Variants in LRRC71 observed in about 807,000 individuals in gnomAD.
LRRC71 encodes leucine-rich repeat-containing protein 71.
A neutral mutation model predicts 66.6 loss-of-function variants in LRRC71; 54 were observed. That is an observed-to-expected ratio of 0.81 (90% confidence interval 0.65 to 1.02). LRRC71 has a LOEUF of 1.02. LRRC71 is among the 50% of genes least tolerant of loss of function. The probability of loss-of-function intolerance (pLI) is 0.00; values close to 1 mark genes in which losing one functional copy is unlikely to be tolerated. For synonymous variants in LRRC71, 323 were observed against 303.9 expected, an observed-to-expected ratio of 1.06 and a Z score of -0.65; for missense variants, 724 against 718.0, an observed-to-expected ratio of 1.01 and a Z score of -0.10.
In LRRC71 at chr1:156,930,578, C is replaced by G. The variant is rs368364282; in HGVS notation, c.1290C>G (p.Ile430Met). ...QKPSRAKGIK[I>M]GSREKRSILL... ...CAAGCAGGGCAAAAGGGATCAAGAT[C>G]GGGAGCAGAGAGAAGCGCAGCATCC... is the stretch of plus-strand genomic sequence containing the variant. The change falls in exon 12 of 15, where the codon ATC becomes ATG. Residue 430 changes from isoleucine to methionine, a missense_variant. Coordinates refer to ENST00000337428, the MANE Select transcript of LRRC71 (RefSeq NM_144702.3). 11 of 1,569,884 alleles carry G rather than the reference C, an allele frequency of 7.0e-6. No individual in the cohort carries two copies. In the South Asian group the frequency reaches 1.3e-4, roughly 18 times the overall value.
Position 156,932,940 on chromosome 1 carries a change from G to A in LRRC71, c.1651G>A (p.Glu551Lys). 4 of 1,590,060 alleles carry A rather than the reference G, an allele frequency of 2.5e-6. No homozygotes were observed. Among genetic ancestry groups the A allele is most frequent in the African/African-American group, 1.3e-5 (1 of 74,394 alleles). ...PRDPIKAKLR[E>K]DEAMAFFP is the part of the protein sequence containing the mutation. ...GGATCCCATCAAGGCCAAACTCAGG[G>A]AGGATGAGGCCATGGCATTCTTCCC... Residue 551 changes from glutamate (E) to lysine (K), a missense_variant, in exon 15 of 15, where the codon GAG becomes AAG. Coordinates refer to ENST00000337428, the MANE Select transcript of LRRC71 (RefSeq NM_144702.3).
At chr1:156,938,090 G>A (rs1655898313), downstream of LRRC71, among the ~76,000 whole-genome samples, 1 of 152,210 alleles carries the variant, frequency 6.6e-6, no homozygotes, top group South Asian at 2.1e-4. Context: ...GCTGAGGTGG[G>A]GAAGTGGCTG....
chr1:156,938,719 A>G, the LRRC71 span: 1 of 514,968 alleles, frequency 1.9e-6, no homozygotes, highest in Non-Finnish European at 3.4e-6. Flanking sequence ...CAGAGAAGGA[A>G]GGTCAGTTCC....
chr1:156,937,269 G>C, downstream of LRRC71: 1 of 1,613,946 alleles, frequency 6.2e-7, no homozygotes, highest in South Asian at 1.1e-5. Flanking sequence ...TTGAGCTTGA[G>C]AGTGAGCTGC....
chr1:156,938,900 C>A, the LRRC71 span: 1 of 215,570 alleles, frequency 4.6e-6, no homozygotes, highest in Non-Finnish European at 9.1e-6. Context: ...CCAGCCCACT[C>A]TTCCCGGGGT....
At chr1:156,937,450 G>T, downstream of LRRC71, 17 of 1,553,962 alleles carry the variant, frequency 1.1e-5, no homozygotes, top group Non-Finnish European at 1.5e-5. Context: ...AGTGGTCGGT[G>T]CTTGAGTCCG....
rs990586880 is a variant in LRRC71, at chr1:156,927,923, C to T, written c.915C>T (p.Arg305=). ...GCGCCCGCCTCCTTCAGGTCCTGCG[C>T]GCCTTCGAGCTGACACACACCGAAG... ...KGALKLAEVL[R]AFELTHTEVV... is the part of the protein sequence containing the mutation. Residue 305 remains arginine, a synonymous_variant, in exon 9 of 15, where the codon CGC becomes CGT. Coordinates refer to ENST00000337428, the MANE Select transcript of LRRC71 (RefSeq NM_144702.3). 7 of 1,611,690 alleles carry T rather than the reference C, an allele frequency of 4.3e-6. No homozygotes were observed. The highest frequency in any genetic ancestry group is 4.2e-6 in the Non-Finnish European group (5 of 1,179,182).
downstream of LRRC71, among the ~76,000 whole-genome samples, chr1:156,934,551 G>A (rs147290936): frequency 1.9e-4 from 29 of 152,092 alleles, no homozygotes; most frequent in South Asian, 6.2e-4. Context: ...GTGTGTGTGT[G>A]TATATCTATA....
At position 156,929,405 on chromosome 1, in the gene LRRC71, G is replaced by C; in HGVS notation, c.1122G>C (p.Leu374=). 6.2e-7 allele frequency: 1 copy of C among 1,613,858 alleles called. No homozygotes were observed. ...AGACAATGAAAACCCCTAAGGGCCTGGGCAAGAAAAAGGAGAAATCATGGG... is the reference window on the plus strand; with the variant it reads ...AGACAATGAAAACCCCTAAGGGCCTCGGCAAGAAAAAGGAGAAATCATGGG... ...KTQTMKTPKG[L]GKKKEKSWEL... Residue 374 remains leucine (L), a synonymous_variant, in exon 10 of 15, where the codon CTG becomes CTC. Transcript: ENST00000337428.
In LRRC71 at chr1:156,929,329, A is replaced by T. The variant is rs1159317674; in HGVS notation, c.1046A>T (p.Gln349Leu). 1 of 1,612,668 alleles carries T rather than the reference A, an allele frequency of 6.2e-7. No homozygotes were observed. ...GDSKTDREKSQMVGISNSALV... is the reference protein window; with the variant it reads ...GDSKTDREKSLMVGISNSALV... ...TCCAAAACGGACCGTGAGAAGAGTC[A>T]GATGGTAGGGATCAGCAATAGTGCA... The change falls in exon 10 of 15, where the codon CAG becomes CTG. Residue 349 changes from glutamine (Q) to leucine (L), a missense_variant. Coordinates refer to ENST00000337428, the MANE Select transcript of LRRC71 (RefSeq NM_144702.3).
intron 13 of LRRC71, 123 bp downstream of exon 13, chr1:156,932,150 C>T (rs1224988081): frequency 1.2e-6 from 1 of 822,846 alleles, no homozygotes; most frequent in African/African-American, 1.7e-5. Flanking sequence ...CTACATGTCC[C>T]CCAAGGCTCT....
chr1:156,937,096 G>A (rs1655570226), downstream of LRRC71: 2 of 1,567,164 alleles, frequency 1.3e-6, no homozygotes, highest in Non-Finnish European at 1.7e-6. Context: ...GGGGAGGAGG[G>A]TGTGATTTAA....
rs1652971569 is a variant in LRRC71, at chr1:156,924,941, G to A, written c.519G>A (p.Leu173=). Residue 173 remains leucine, a synonymous_variant, in exon 5 of 15, where the codon TTG becomes TTA. Coordinates refer to ENST00000337428, the MANE Select transcript of LRRC71 (RefSeq NM_144702.3). ...CTGCACTTCCCGCCCACGACAGCTT[G>A]TGGAAGGTGGGGCTGACCGATAAGA... ...PPLTQLQAIN[L]WKVGLTDKTL... is the part of the protein sequence containing the mutation. 7.1e-6 allele frequency: 11 copies of A among 1,551,622 alleles called. No homozygotes were observed. Among genetic ancestry groups the A allele is most frequent in the Non-Finnish European group, 9.6e-6 (11 of 1,147,018 alleles).
the LRRC71 span, chr1:156,940,407 C>G: frequency 9.3e-6 from 15 of 1,606,352 alleles, no homozygotes; most frequent in East Asian, 3.4e-4. Context: ...CCCTTGGACC[C>G]TCTGCTGGGA....
rs1652893259 is a variant in LRRC71 at position 156,924,542 on chromosome 1, C to T, written c.429C>T (p.Ile143=). ...EQEDSKSVKE[I]YIRGWKVEER... is the part of the protein sequence containing the mutation. ...AGGACAGCAAGTCAGTGAAGGAAAT[C>T]TACATCCGCGGTGAGCCCCGCTCCC... The change falls in exon 3 of 15, where the codon ATC becomes ATT. Residue 143 remains isoleucine (I), a synonymous_variant. Transcript: ENST00000337428. 1 of 1,551,532 alleles carries T rather than the reference C, an allele frequency of 6.4e-7. No homozygotes were observed. The highest frequency in any genetic ancestry group is 1.4e-5 in the African/African-American group (1 of 73,064).
chr1:156,921,712 AACACACACACACACACAC>A lies in LRRC71; in HGVS notation c.160+783_160+800del, dbSNP rs34547094. 164 of 278,568 alleles carry A rather than the reference AACACACACACACACACAC, an allele frequency of 5.9e-4. No individual in the cohort carries two copies. The East Asian group carries it at 0.017, about 29-fold the overall frequency. 17.3% of individuals were successfully genotyped at this position (278,568 alleles called of 1,614,324 possible). A position where few individuals can be genotyped will look rare whatever the true frequency, so the allele number is the denominator to read the frequency against. On this transcript the variant is annotated intron_variant, in intron 1 of 14. Coordinates refer to ENST00000337428, the MANE Select transcript of LRRC71 (RefSeq NM_144702.3). Reference sequence around the variant, plus strand: ...CAGGTACGAAGCCAGTTACATTCAAAACACACACACACACACACACACACACACACACACACACACACA... The same window carrying A: ...CAGGTACGAAGCCAGTTACATTCAAAACACACACACACACACACACACACA...
chr1:156,938,327 T>G, the LRRC71 span: 15 of 1,204,858 alleles, frequency 1.2e-5, no homozygotes, highest in Non-Finnish European at 1.7e-5. Context: ...TGTGGGTGTG[T>G]GTGTGACCAT....
Position 156,930,572 on chromosome 1 carries a change from C to A in LRRC71, c.1284C>A (p.Ile428=). The A allele has an allele frequency of 1.9e-6, 3 of 1,570,328 alleles. No individual in the cohort carries two copies. Among genetic ancestry groups the A allele is most frequent in the East Asian group, 2.4e-5 (1 of 42,256 alleles). Reference sequence around the variant, plus strand: ...AGAAGCCAAGCAGGGCAAAAGGGATCAAGATCGGGAGCAGAGAGAAGCGCA... The same window carrying A: ...AGAAGCCAAGCAGGGCAAAAGGGATAAAGATCGGGAGCAGAGAGAAGCGCA... ...PEQKPSRAKG[I]KIGSREKRSI... Residue 428 remains isoleucine (I), a synonymous_variant, in exon 12 of 15, where the codon ATC becomes ATA. Transcript: ENST00000337428.
rs759089903 is a variant in LRRC71, at chr1:156,929,607, T to C, written c.1147-29T>C. Reference sequence around the variant, plus strand: ...TGCCCATCCCCTCCGGAGGTGGGACTTGCCCCTCTCTTCTCACATTCTCCA... The same window carrying C: ...TGCCCATCCCCTCCGGAGGTGGGACCTGCCCCTCTCTTCTCACATTCTCCA... On this transcript the variant is annotated intron_variant, in intron 10 of 14. Transcript: ENST00000337428. 44 of 1,563,988 alleles carry C rather than the reference T, an allele frequency of 2.8e-5. No individual in the cohort carries two copies. In the Admixed American group the frequency reaches 8.4e-4, roughly 30 times the overall value.
Sources: allele counts gnomAD v4.1 joint callset (sites outside exome capture counted in the v4.1 genomes callset), GRCh38; gene constraint gnomAD v4.1.1; transcripts MANE v1.5; gene names NCBI Gene and HGNC (gene_info 2026-07-23, HGNC 2026-07-21).